Variants in CMC1 observed in about 807,000 individuals in gnomAD.
CMC1 encodes COX assembly mitochondrial protein homolog.
CMC1 carries 14 observed loss-of-function variants against 14.1 expected under a neutral mutation model. The ratio of observed to expected loss-of-function variants is 0.99; its 90% confidence interval spans 0.66 to 1.55. The LOEUF is 1.55. CMC1 is among the 40% of genes most tolerant of loss of function. The probability of loss-of-function intolerance (pLI) is 0.00; values close to 1 mark genes in which losing one functional copy is unlikely to be tolerated. For missense variants in CMC1, 127 were observed against 123.8 expected (o/e 1.03, Z -0.12); for synonymous variants, 50 against 38.4 (o/e 1.30, Z -1.12).
At chr3:28,291,263 G>A (rs994511928) in intron 2 of CMC1, among the ~76,000 whole-genome samples, 5 of 152,098 alleles carry the variant, frequency 3.3e-5, no homozygotes, top group African/African-American at 9.7e-5. Flanking sequence ...GGACATGAAG[G>A]ACATGAACAA....
chr3:28,306,441 A>G (rs545062364), intron 2 of CMC1, among the ~76,000 whole-genome samples: 5 of 151,926 alleles, frequency 3.3e-5, no homozygotes, highest in Admixed American at 6.6e-5. Context: ...GTGTGTGGCT[A>G]TTGTAAATGG....
At chr3:28,268,724 C>A (rs1011912934) in intron 2 of CMC1, among the ~76,000 whole-genome samples, 2 of 152,186 alleles carry the variant, frequency 1.3e-5, no homozygotes, top group Non-Finnish European at 2.9e-5. Context: ...CTTTTCTGCA[C>A]ATGGACATAA....
At chr3:28,319,184 T>G (rs1364912876) in intron 3 of CMC1, 1 of 452,872 alleles carries the variant, frequency 2.2e-6, no homozygotes, top group Non-Finnish European at 4.4e-6. Context: ...CTTGTTTCCA[T>G]GGTGCACTGG....
At chr3:28,273,168 G>A (rs1189481385) in intron 2 of CMC1, among the ~76,000 whole-genome samples, 1 of 152,114 alleles carries the variant, frequency 6.6e-6, no homozygotes, top group African/African-American at 2.4e-5. Flanking sequence ...TTTTTGGTTA[G>A]TATGCTATTT....
At chr3:28,309,669 T>G (rs2125596288) in intron 2 of CMC1, among the ~76,000 whole-genome samples, 1 of 152,242 alleles carries the variant, frequency 6.6e-6, no homozygotes, top group African/African-American at 2.4e-5. Context: ...CTGCCTACTC[T>G]AAGGTTCTGT....
In CMC1 at chr3:28,259,572, A is replaced by AT. The variant is rs1369663106; in HGVS notation, c.20-3711dup. On this transcript the variant is annotated intron_variant, in intron 1 of 3. Transcript: ENST00000466830. ...TCGAATTTCACCACTTTTTACATGC[A>AT]TTTTTTTTGTTGTTCTGTAATTATA... 7.9e-5 allele frequency among the ~76,000 whole-genome samples: 12 copies of AT among 151,730 alleles called. No individual in the cohort carries two copies. In the East Asian group the frequency reaches 1.4e-3, roughly 17 times the overall value.
intron 2 of CMC1, among the ~76,000 whole-genome samples, chr3:28,271,217 C>G (rs1438863413): frequency 2.0e-5 from 3 of 152,152 alleles, no homozygotes; most frequent in Admixed American, 6.5e-5. Context: ...TCTCCAACCT[C>G]AGCTTCCTAA....
In CMC1 at chr3:28,324,361, G is replaced by A; in HGVS notation, c.*4732G>A. The A allele has an allele frequency of 1.9e-6, 3 of 1,593,940 alleles. No homozygotes were observed. The highest frequency in any genetic ancestry group is 2.2e-5 in the East Asian group (1 of 44,660). On this transcript the variant is annotated 3_prime_UTR_variant, in exon 4 of 4. Coordinates refer to ENST00000466830, the MANE Select transcript of CMC1 (RefSeq NM_182523.2). Reference sequence around the variant, plus strand: ...AAGAGCTTTGCCATTTGGTAAGAGAGGGGGATGTCTTGTGTATGTTGCAGT... The same window carrying A: ...AAGAGCTTTGCCATTTGGTAAGAGAAGGGGATGTCTTGTGTATGTTGCAGT...
intron 2 of CMC1, among the ~76,000 whole-genome samples, chr3:28,286,971 A>G (rs1421185211): frequency 1.3e-5 from 2 of 152,216 alleles, no homozygotes; most frequent in Non-Finnish European, 2.9e-5. Flanking sequence ...TGTAATATAC[A>G]GACAGTTTAA....
chr3:28,306,144 G>A (rs1019511875), intron 2 of CMC1, among the ~76,000 whole-genome samples: 14 of 151,850 alleles, frequency 9.2e-5, no homozygotes, highest in African/African-American at 3.1e-4. Flanking sequence ...TGTTCTTTTT[G>A]TTTAGGATTA....
rs1206596955 is a variant in CMC1 at position 28,320,671 on chromosome 3, T to C, written c.*1042T>C. On this transcript the variant is annotated 3_prime_UTR_variant, in exon 4 of 4. Transcript: ENST00000466830. ...TAGAATTTTCTAAAACATAATGTTC[T>C]TAACCTGATAACTTGTTAGTCCTTT... 1 of 151,600 alleles carries C rather than the reference T, an allele frequency of 6.6e-6. No individual in the cohort carries two copies. Among genetic ancestry groups the C allele is most frequent in the Non-Finnish European group, 1.5e-5 (1 of 67,690 alleles). 9.4% of individuals were successfully genotyped at this position (151,600 alleles called of 1,614,324 possible). A position where few individuals can be genotyped will look rare whatever the true frequency, so the allele number is the denominator to read the frequency against.
chr3:28,302,609 G>C (rs1459940407), intron 2 of CMC1, among the ~76,000 whole-genome samples: 1 of 152,076 alleles, frequency 6.6e-6, no homozygotes, highest in Non-Finnish European at 1.5e-5. Flanking sequence ...GTTTGAAGAA[G>C]CCCCTTTCTA....
rs1703126497 is a variant in CMC1 at position 28,319,745 on chromosome 3, T to G, written c.*116T>G. ...TTACCTTAATTATGGAAATATTAAC[T>G]TTATCTGAAATAAATATTTTATTTC... is the stretch of plus-strand genomic sequence containing the variant. On this transcript the variant is annotated 3_prime_UTR_variant, in exon 4 of 4. Transcript: ENST00000466830. The G allele has an allele frequency of 1.2e-6, 1 of 848,740 alleles. No homozygotes were observed. The highest frequency in any genetic ancestry group is 1.7e-6 in the Non-Finnish European group (1 of 575,484). The allele number at this position is 848,740 out of a possible 1,614,324, so 52.6% of individuals were successfully genotyped here.
chr3:28,273,820 C>T (rs897503546), intron 2 of CMC1, among the ~76,000 whole-genome samples: 6 of 152,164 alleles, frequency 3.9e-5, no homozygotes, highest in Admixed American at 3.3e-4. Context: ...ATAATTAGCT[C>T]TTCTTGTTGA....
Position 28,295,113 on chromosome 3 carries a change from G to A in CMC1, c.110-21220G>A, listed in dbSNP as rs142855817. ...AACAGACTCATTTTAACGTGAGCTC[G>A]TTTTTACTCTTAAGTGTGTAAGCCA... On this transcript the variant is annotated intron_variant, in intron 2 of 3. Transcript: ENST00000466830. Among the ~76,000 whole-genome samples, 576 of 152,180 alleles carry A rather than the reference G, an allele frequency of 3.8e-3. 5 individuals are homozygous for A. The highest frequency in any genetic ancestry group is 0.013 in the African/African-American group (553 of 41,532).
At chr3:28,265,306 G>A (rs1391827012) in intron 2 of CMC1, among the ~76,000 whole-genome samples, 1 of 151,962 alleles carries the variant, frequency 6.6e-6, no homozygotes, top group Non-Finnish European at 1.5e-5. Flanking sequence ...ATTGATAAGA[G>A]AATAAGAAGT....
chr3:28,271,688 T>C (rs1327381809), intron 2 of CMC1, among the ~76,000 whole-genome samples: 10 of 152,200 alleles, frequency 6.6e-5, no homozygotes, highest in Non-Finnish European at 8.8e-5. Flanking sequence ...GGGCTCTTTT[T>C]TCTGGTTCCA....
intron 2 of CMC1, among the ~76,000 whole-genome samples, chr3:28,271,391 A>G (rs1358955708): frequency 2.0e-5 from 3 of 152,116 alleles, no homozygotes; most frequent in Non-Finnish European, 2.9e-5. Flanking sequence ...AGGTGTAAGG[A>G]AGGGGTCCAG....
intron 2 of CMC1, among the ~76,000 whole-genome samples, chr3:28,267,856 A>G (rs1460822979): frequency 3.3e-5 from 5 of 152,236 alleles, no homozygotes; most frequent in Non-Finnish European, 5.9e-5. Flanking sequence ...TGCAGACTAT[A>G]TACATGGTCA....
Sources: allele counts gnomAD v4.1 joint callset (sites outside exome capture counted in the v4.1 genomes callset), GRCh38; gene constraint gnomAD v4.1.1; transcripts MANE v1.5; gene names NCBI Gene and HGNC (gene_info 2026-07-23, HGNC 2026-07-21).